The following TULP4 variants were observed in gnomAD, a reference collection of about 807,000 sequenced individuals.
The protein encoded by TULP4 is TUB like protein 4, also known as tubby-related protein 4.
A neutral mutation model predicts 129.0 loss-of-function variants in TULP4; 16 were observed. The observed-to-expected ratio is 0.12, with a 90% CI of 0.08 to 0.19. The LOEUF is 0.19. Ranked by LOEUF, TULP4 falls within the 10% of genes least tolerant of loss-of-function variation. The probability of loss-of-function intolerance (pLI) is 1.00; values close to 1 mark genes in which losing one functional copy is unlikely to be tolerated. For synonymous variants in TULP4, 998 were observed against 854.0 expected (o/e 1.17, Z -2.94); for missense variants, 1,842 against 2,059.1 (o/e 0.89, Z 2.04).
chr6:158,285,347 G>C (rs191289324), intron 1 of TULP4, among the ~76,000 whole-genome samples: 18 of 152,210 alleles, frequency 1.2e-4, no homozygotes, highest in African/African-American at 4.3e-4. Flanking sequence ...AATCACAGTA[G>C]TTCCATTGTA....
At chr6:158,261,167 G>T (rs971317688) in intron 1 of TULP4, among the ~76,000 whole-genome samples, 3 of 152,182 alleles carry the variant, frequency 2.0e-5, no homozygotes, top group African/African-American at 7.2e-5. Context: ...TTTCTGGCAT[G>T]ATAAAAACCA....
At chr6:158,264,786 AT>A (rs1230753094) in intron 1 of TULP4, among the ~76,000 whole-genome samples, 2 of 152,146 alleles carry the variant, frequency 1.3e-5, no homozygotes, top group Non-Finnish European at 1.5e-5. Context: ...TCTCTTCTCC[AT>A]GCCTCTAAGT....
At chr6:158,362,840 T>C (rs145071387) in intron 1 of TULP4, among the ~76,000 whole-genome samples, 1 of 1,854 alleles carries the variant, frequency 5.4e-4, no homozygotes, top group South Asian at 0.025. Flanking sequence ...CTTTGGGAGG[T>C]CAGGAGGTCA....
intron 3 of TULP4, among the ~76,000 whole-genome samples, chr6:158,433,420 T>TA (rs1435280761): frequency 6.6e-6 from 1 of 152,174 alleles, no homozygotes; most frequent in Admixed American, 6.5e-5. Flanking sequence ...GGAACCTTTG[T>TA]AAAAACAAAA....
At chr6:158,428,754 T>G (rs1778559556) in intron 2 of TULP4, among the ~76,000 whole-genome samples, 1 of 152,130 alleles carries the variant, frequency 6.6e-6, no homozygotes. Flanking sequence ...TAACCATAAG[T>G]GAGAGGCAGT....
chr6:158,357,172 T>C (rs1429079366), intron 1 of TULP4, among the ~76,000 whole-genome samples: 1 of 152,206 alleles, frequency 6.6e-6, no homozygotes, highest in Non-Finnish European at 1.5e-5. Flanking sequence ...CTGGATATGC[T>C]ATTGCTAGGA....
intron 1 of TULP4, among the ~76,000 whole-genome samples, chr6:158,382,303 T>C (rs1450402793): frequency 6.6e-6 from 1 of 152,168 alleles, no homozygotes; most frequent in Non-Finnish European, 1.5e-5. Context: ...GCTGACATCA[T>C]CCTTTACCTC....
At chr6:158,355,127 A>G (rs1375816654) in intron 1 of TULP4, among the ~76,000 whole-genome samples, 1 of 151,622 alleles carries the variant, frequency 6.6e-6, no homozygotes, top group Admixed American at 6.6e-5. Flanking sequence ...ACTGGAGTAC[A>G]GTGGCACAGT....
At chr6:158,484,934 T>C (rs1201580170) in intron 8 of TULP4, among the ~76,000 whole-genome samples, 1 of 152,256 alleles carries the variant, frequency 6.6e-6, no homozygotes, top group Non-Finnish European at 1.5e-5. Flanking sequence ...GAAATGGGTA[T>C]TGCTGTAACA....
chr6:158,239,642 A>ACC (rs1220348468), intron 1 of TULP4, among the ~76,000 whole-genome samples: 1 of 45,830 alleles, frequency 2.2e-5, no homozygotes, highest in Non-Finnish European at 4.6e-5. Flanking sequence ...TGGGGGGCTG[A>ACC]CCCCCCCACC....
chr6:158,332,552 G>A (rs1015258612), intron 1 of TULP4, among the ~76,000 whole-genome samples: 2 of 152,098 alleles, frequency 1.3e-5, no homozygotes, highest in Non-Finnish European at 2.9e-5. Context: ...ACTTGCAGAA[G>A]GAGTGACTAC....
chr6:158,302,304 G>A (rs932617280), intron 1 of TULP4, among the ~76,000 whole-genome samples: 8 of 152,248 alleles, frequency 5.3e-5, no homozygotes, highest in Non-Finnish European at 1.0e-4. Flanking sequence ...TTCACAATTC[G>A]ATTTATGTAA....
At chr6:158,253,833 G>A (rs1411470663) in intron 1 of TULP4, among the ~76,000 whole-genome samples, 4 of 152,092 alleles carry the variant, frequency 2.6e-5, no homozygotes, top group South Asian at 2.1e-4. Flanking sequence ...TCAGGAGTTC[G>A]AGACCAGACT....
chr6:158,444,961 A>C (rs917341259), intron 3 of TULP4, among the ~76,000 whole-genome samples: 12 of 152,124 alleles, frequency 7.9e-5, no homozygotes, highest in African/African-American at 2.9e-4. Context: ...ACAGGTGCTC[A>C]CCACCATGGC....
At chr6:158,275,224 TTTG>T (rs1168680255) in intron 1 of TULP4, among the ~76,000 whole-genome samples, 10 of 152,274 alleles carry the variant, frequency 6.6e-5, no homozygotes, top group Admixed American at 3.9e-4. Flanking sequence ...AGCTGCTTTT[TTTG>T]TTGTTGTTGC....
chr6:158,294,080 C>G (rs942037852), intron 1 of TULP4, among the ~76,000 whole-genome samples: 1 of 152,126 alleles, frequency 6.6e-6, no homozygotes, highest in South Asian at 2.1e-4. Context: ...AGCAGGTCAT[C>G]GGGCCAGGCG....
chr6:158,437,206 A>T (rs1239535259), intron 3 of TULP4, among the ~76,000 whole-genome samples: 2 of 152,220 alleles, frequency 1.3e-5, no homozygotes, highest in African/African-American at 4.8e-5. Context: ...AGTTAGTGTA[A>T]CAGGATTATT....
chr6:158,250,354 C>T (rs1480123523), intron 1 of TULP4, among the ~76,000 whole-genome samples: 1 of 151,944 alleles, frequency 6.6e-6, no homozygotes, highest in Non-Finnish European at 1.5e-5. Context: ...GACTGGATTT[C>T]ACCATGTTGG....
In TULP4 at chr6:158,448,986, T is replaced by C; in HGVS notation, c.544-10T>C. ...GCCACTTGGTCAGAGGTCCCCATCC[T>C]GGATTGCAGGTGCTGTTTGGCACGG... On this transcript the variant is annotated splice_polypyrimidine_tract_variant and intron_variant, in intron 3 of 13. Transcript: ENST00000367097. 1 of 1,599,844 alleles carries C rather than the reference T, an allele frequency of 6.3e-7. No homozygotes were observed. The highest frequency in any genetic ancestry group is 8.5e-7 in the Non-Finnish European group (1 of 1,170,316).
Sources: allele counts gnomAD v4.1 joint callset (sites outside exome capture counted in the v4.1 genomes callset), GRCh38; gene constraint gnomAD v4.1.1; transcripts MANE v1.5; gene names NCBI Gene and HGNC (gene_info 2026-07-23, HGNC 2026-07-21).